Variants in KSR1 observed in about 807,000 individuals in gnomAD.
KSR1 encodes kinase suppressor of ras.
In KSR1, 35 loss-of-function variants were observed where a neutral mutation model predicts 92.9. The ratio of observed to expected loss-of-function variants is 0.38; its 90% CI spans 0.29 to 0.50. The LOEUF is 0.50. Ranked by LOEUF, KSR1 falls within the 20% of genes least tolerant of loss-of-function variation. KSR1 has a pLI of 0.94. For missense variants in KSR1, 972 were observed against 1,158.5 expected (o/e 0.84, Z 2.34); for synonymous variants, 467 against 472.6 (o/e 0.99, Z 0.15).
intron 18 of KSR1, among the ~76,000 whole-genome samples, chr17:27,614,179 A>T (rs2073995462): frequency 6.6e-6 from 1 of 152,216 alleles, no homozygotes; most frequent in South Asian, 2.1e-4. Context: ...TTTCCACATG[A>T]CATTTTATTA....
At chr17:27,586,113 T>G (rs1313534973) in intron 5 of KSR1, 2 of 179,642 alleles carry the variant, frequency 1.1e-5, no homozygotes, top group African/African-American at 4.7e-5. Context: ...GGGACATTCC[T>G]GGAGGCAGAA....
intron 1 of KSR1, among the ~76,000 whole-genome samples, chr17:27,487,105 A>G (rs548366264): frequency 2.0e-5 from 3 of 152,182 alleles, no homozygotes; most frequent in Admixed American, 1.3e-4. Flanking sequence ...TTATGTTGCT[A>G]TACAGGACTA....
At chr17:27,608,736 C>T (rs2073833413) in intron 15 of KSR1, among the ~76,000 whole-genome samples, 2 of 152,164 alleles carry the variant, frequency 1.3e-5, no homozygotes, top group Non-Finnish European at 2.9e-5. Flanking sequence ...TTGGGGACCC[C>T]GCTGTGGGAA....
At position 27,571,206 on chromosome 17, in the gene KSR1, C is replaced by T. The variant is rs73983475; in HGVS notation, c.373-6286C>T. ...TGAGGAGGCTGGGCCCGGAACTGGC[C>T]ACAAGCAAAGCCAACATCCCCAGGC... On this transcript the variant is annotated intron_variant, in intron 2 of 20. Transcript: ENST00000644974. Among the ~76,000 whole-genome samples the T allele has an allele frequency of 1.6e-3, 242 of 152,272 alleles. 1 individual carries two copies. Among genetic ancestry groups the T allele is most frequent in the African/African-American group, 5.4e-3 (223 of 41,554 alleles).
intron 1 of KSR1, among the ~76,000 whole-genome samples, chr17:27,544,913 G>A (rs755354994): frequency 1.7e-4 from 26 of 152,228 alleles, no homozygotes; most frequent in Admixed American, 1.4e-3. Context: ...TCTGACGGGA[G>A]TGGCTGCCTG....
chr17:27,533,628 C>T (rs573279498), intron 1 of KSR1, among the ~76,000 whole-genome samples: 12 of 152,216 alleles, frequency 7.9e-5, no homozygotes, highest in Non-Finnish European at 1.3e-4. Flanking sequence ...GTGGTCTGCC[C>T]GCCTCGGCCT....
chr17:27,517,337 A>AT (rs898581075), intron 1 of KSR1, among the ~76,000 whole-genome samples: 86 of 150,808 alleles, frequency 5.7e-4, no homozygotes, highest in South Asian at 1.5e-3. Context: ...TTTTATTTTT[A>AT]TTTTTTTTTG....
intron 1 of KSR1, among the ~76,000 whole-genome samples, chr17:27,541,562 A>G (rs1597984081): frequency 6.6e-6 from 1 of 152,154 alleles, no homozygotes; most frequent in African/African-American, 2.4e-5. Flanking sequence ...GCGTGGCTGG[A>G]TTTTGGGCTT....
At chr17:27,479,273 C>T (rs1000677009) in intron 1 of KSR1, among the ~76,000 whole-genome samples, 1 of 151,256 alleles carries the variant, frequency 6.6e-6, no homozygotes, top group Non-Finnish European at 1.5e-5. Context: ...CATGCTTGTG[C>T]ATCTGTGCTC....
Position 27,610,077 on chromosome 17 carries a change from C to A in KSR1, c.2236C>A (p.Gln746Lys). Residue 746 changes from glutamine to lysine, a missense_variant, in exon 17 of 21, where the codon CAG becomes AAG. Gln to Lys is a moderately conservative substitution (Grantham distance 53). Around this residue, in one of 5 missense-constraint regions of KSR1, gnomAD observed 260 missense variants for 375.2 expected, o/e 0.69. Coordinates refer to ENST00000644974, the MANE Select transcript of KSR1 (RefSeq NM_001394583.1). The part of the protein sequence containing the change: ...GVVREGRREN[Q>K]LKLSHDWLCY... ...CTTCCTGGTCTCCAGGCGTGAGAAC[C>A]AGCTAAAGCTGTCCCACGACTGGCT... The A allele has an allele frequency of 6.2e-7, 1 of 1,613,924 alleles. No homozygotes were observed. Among genetic ancestry groups the A allele is most frequent in the Non-Finnish European group, 8.5e-7 (1 of 1,179,838 alleles).
intron 1 of KSR1, among the ~76,000 whole-genome samples, chr17:27,504,665 G>A (rs1441280012): frequency 1.3e-5 from 2 of 152,156 alleles, no homozygotes; most frequent in South Asian, 2.1e-4. Context: ...GCACTGTGGC[G>A]GGGGGATGCC....
intron 1 of KSR1, among the ~76,000 whole-genome samples, chr17:27,479,492 G>C (rs1162977711): frequency 1.3e-5 from 2 of 152,176 alleles, no homozygotes; most frequent in Non-Finnish European, 2.9e-5. Context: ...CTTCTGAGGC[G>C]GGTGTAGGGA....
In KSR1 at chr17:27,456,449, T is replaced by G. The variant is rs960187073; in HGVS notation, c.-195T>G. 1.6e-5 allele frequency: 6 copies of G among 376,332 alleles called. No homozygotes were observed. The highest frequency in any genetic ancestry group is 2.8e-5 in the Non-Finnish European group (6 of 213,894). The allele number at this position is 376,332 out of a possible 1,614,324, so 23.3% of individuals were successfully genotyped here. On this transcript the variant is annotated 5_prime_UTR_variant, in exon 1 of 21. Coordinates refer to ENST00000644974, the MANE Select transcript of KSR1 (RefSeq NM_001394583.1). Reference sequence around the variant, plus strand: ...GGCTCCGGGAGCCGCAGCCGTCGGGTCGCCGCGGCTTTCGCTTTGCTGCCG... The same window carrying G: ...GGCTCCGGGAGCCGCAGCCGTCGGGGCGCCGCGGCTTTCGCTTTGCTGCCG...
In KSR1 at chr17:27,585,626, A is replaced by G. The variant is rs1280188284; in HGVS notation, c.981-31A>G. The G allele has an allele frequency of 7.9e-6, 6 of 757,514 alleles. No individual in the cohort carries two copies. In the African/African-American group the frequency reaches 1.0e-4, roughly 13 times the overall value. The allele number at this position is 757,514 out of a possible 1,614,324, so 46.9% of individuals were successfully genotyped here. A position where few individuals can be genotyped will look rare whatever the true frequency, so the allele number is the denominator to read the frequency against. ...ACACGCCGAGCCAGCGTGGTGACGT[A>G]ATCCCCCTCTCTGCTTTTTGTCTCC... On this transcript the variant is annotated intron_variant, in intron 4 of 20. Transcript: ENST00000644974.
At chr17:27,483,454 G>A (rs2068572075) in intron 1 of KSR1, among the ~76,000 whole-genome samples, 1 of 152,126 alleles carries the variant, frequency 6.6e-6, no homozygotes, top group Non-Finnish European at 1.5e-5. Context: ...GGGCATGGTG[G>A]CGCATGCCTG....
rs899535709 is a variant in KSR1 at position 27,624,852 on chromosome 17, G to C, written c.*1460G>C. The C allele has an allele frequency of 2.6e-5, 4 of 152,214 alleles. No homozygotes were observed. The highest frequency in any genetic ancestry group is 4.4e-5 in the Non-Finnish European group (3 of 68,074). The allele number at this position is 152,214 out of a possible 1,614,324, so 9.4% of individuals were successfully genotyped here. A position where few individuals can be genotyped will look rare whatever the true frequency, so the allele number is the denominator to read the frequency against. On this transcript the variant is annotated 3_prime_UTR_variant, in exon 21 of 21. Coordinates refer to ENST00000644974, the MANE Select transcript of KSR1 (RefSeq NM_001394583.1). ...GCCCCAGTCTCCAGCCCCTTCCCTAGCACCAGAGTCTGGTCAAAATGCCAC... is the reference window on the plus strand; with the variant it reads ...GCCCCAGTCTCCAGCCCCTTCCCTACCACCAGAGTCTGGTCAAAATGCCAC...
At chr17:27,550,761 G>C (rs2071369517) in intron 2 of KSR1, 53 bp downstream of exon 2, 1 of 739,240 alleles carries the variant, frequency 1.4e-6, no homozygotes, top group Admixed American at 1.7e-5. Context: ...CAAGCAGAGG[G>C]AACACACACA....
At chr17:27,616,752 G>GA (rs1419924552) in intron 18 of KSR1, among the ~76,000 whole-genome samples, 2 of 152,236 alleles carry the variant, frequency 1.3e-5, no homozygotes, top group African/African-American at 4.8e-5. Flanking sequence ...TGTGGATCCT[G>GA]AGAGTAGGCA....
At chr17:27,552,326 C>T (rs2945391) in intron 2 of KSR1, among the ~76,000 whole-genome samples, 60,398 of 152,022 alleles carry the variant, frequency 0.4, 12,069 homozygotes, top group Admixed American at 0.44. Flanking sequence ...CATTGAGTGT[C>T]GGGCCCAATA....
Sources: allele counts gnomAD v4.1 joint callset (sites outside exome capture counted in the v4.1 genomes callset), GRCh38; gene constraint gnomAD v4.1.1; regional missense constraint gnomAD v4.1.1; transcripts MANE v1.5; gene names NCBI Gene and HGNC (gene_info 2026-07-23, HGNC 2026-07-21).